The following RAPGEF5 variants were observed in gnomAD, a reference collection of about 807,000 sequenced individuals.
The protein encoded by RAPGEF5 is M-Ras-regulated GEF.
RAPGEF5 carries 65 observed loss-of-function variants against 125.2 expected under a neutral mutation model. That is an observed-to-expected ratio of 0.52 (90% CI 0.43 to 0.64). RAPGEF5 has a LOEUF of 0.64. RAPGEF5 is among the 30% of genes least tolerant of loss of function. The pLI is 0.00. For synonymous variants in RAPGEF5, 391 were observed against 385.9 expected (o/e 1.01, Z -0.16); for missense variants, 958 against 1,048.1 (o/e 0.91, Z 1.19).
chr7:22,245,316 T>G (rs1583512889), intron 7 of RAPGEF5, among the ~76,000 whole-genome samples: 1 of 152,356 alleles, frequency 6.6e-6, no homozygotes, highest in African/African-American at 2.4e-5. Flanking sequence ...CTTAGTTTGA[T>G]GTAATCTCAT....
chr7:22,234,533 A>G (rs897067241), intron 7 of RAPGEF5, among the ~76,000 whole-genome samples: 17 of 152,250 alleles, frequency 1.1e-4, no homozygotes, highest in Non-Finnish European at 8.8e-5. Context: ...TTTGAAAATA[A>G]CTTACCATAA....
chr7:22,212,856 T>C (rs1282527089), intron 9 of RAPGEF5, among the ~76,000 whole-genome samples: 1 of 151,864 alleles, frequency 6.6e-6, no homozygotes, highest in Non-Finnish European at 1.5e-5. Flanking sequence ...GGGAGGAGGG[T>C]GATGGCAAAA....
intron 11 of RAPGEF5, among the ~76,000 whole-genome samples, chr7:22,167,680 C>T (rs1007060357): frequency 7.2e-5 from 11 of 152,144 alleles, no homozygotes; most frequent in African/African-American, 2.7e-4. Context: ...CTTTAAGAAG[C>T]TGGGAAAGTG....
chr7:22,161,381 G>GA (rs998358879), intron 13 of RAPGEF5, among the ~76,000 whole-genome samples: 6 of 151,910 alleles, frequency 3.9e-5, no homozygotes, highest in South Asian at 2.1e-4. Context: ...CTACTAAAAA[G>GA]AAAAAATTAG....
At chr7:22,228,773 A>G (rs1181883340) in intron 8 of RAPGEF5, among the ~76,000 whole-genome samples, 1 of 151,430 alleles carries the variant, frequency 6.6e-6, no homozygotes, top group African/African-American at 2.4e-5. Context: ...TTGGCCTCCC[A>G]AAGTGCTGGG....
At chr7:22,258,438 T>C (rs867465255) in intron 7 of RAPGEF5, among the ~76,000 whole-genome samples, 16 of 151,808 alleles carry the variant, frequency 1.1e-4, no homozygotes, top group African/African-American at 3.9e-4. Context: ...CTGACCAACA[T>C]GGAGAAACCC....
Position 22,184,484 on chromosome 7 carries a change from G to A in RAPGEF5, c.1204+8883C>T, listed in dbSNP as rs528108241. 4.3e-4 allele frequency among the ~76,000 whole-genome samples: 65 copies of A among 152,270 alleles called. 1 individual carries two copies. Among genetic ancestry groups the A allele is most frequent in the Admixed American group, 7.8e-4 (12 of 15,290 alleles). ...TCAAATGTGGTACAAACATGAAAAT[G>A]ATGCAATTAAAAAATGCATTCCAAT... On this transcript the variant is annotated intron_variant, in intron 11 of 25. Transcript: ENST00000665637.
intron 5 of RAPGEF5, among the ~76,000 whole-genome samples, chr7:22,304,400 C>T (rs1783283345): frequency 6.6e-6 from 1 of 152,122 alleles, no homozygotes; most frequent in Non-Finnish European, 1.5e-5. Flanking sequence ...ACTCCAGAGC[C>T]TAAGATTTGT....
chr7:22,287,394 A>ATG (rs781052010), intron 6 of RAPGEF5, among the ~76,000 whole-genome samples: 33 of 152,326 alleles, frequency 2.2e-4, no homozygotes, highest in Admixed American at 4.6e-4. Context: ...ATATTTTTAG[A>ATG]TGACAGGACT....
intron 11 of RAPGEF5, among the ~76,000 whole-genome samples, chr7:22,179,368 G>T (rs1784604328): frequency 6.6e-6 from 1 of 152,086 alleles, no homozygotes; most frequent in South Asian, 2.1e-4. Flanking sequence ...TCAGACATAA[G>T]AAAAGTACTT....
chr7:22,151,379 T>C (rs773417563), intron 17 of RAPGEF5, among the ~76,000 whole-genome samples: 7 of 152,180 alleles, frequency 4.6e-5, no homozygotes, highest in Admixed American at 1.3e-4. Flanking sequence ...TTCTGATTTT[T>C]ATTTTTTAAA....
At chr7:22,133,260 G>T (rs968987949) in intron 23 of RAPGEF5, among the ~76,000 whole-genome samples, 1 of 152,188 alleles carries the variant, frequency 6.6e-6, no homozygotes, top group African/African-American at 2.4e-5. Context: ...AGGTGAGAGG[G>T]GAGACAGGCT....
intron 1 of RAPGEF5, among the ~76,000 whole-genome samples, chr7:22,328,219 G>A (rs890450554): frequency 1.1e-4 from 17 of 152,142 alleles, no homozygotes; most frequent in African/African-American, 4.1e-4. Context: ...TGGTCAGAAG[G>A]GAAAACAGGA....
chr7:22,291,171 T>C lies in RAPGEF5; in HGVS notation c.747+4A>G. 1.3e-6 allele frequency: 2 copies of C among 1,587,170 alleles called. No homozygotes were observed. Among genetic ancestry groups the C allele is most frequent in the Non-Finnish European group, 1.7e-6 (2 of 1,168,598 alleles). On this transcript the variant is annotated splice_donor_region_variant and intron_variant, in intron 6 of 25. Transcript: ENST00000665637. Reference sequence around the variant, plus strand: ...CCCTAGGCAGGAAAATTGCATGGTCTTACCGCAGATGTTAGACGCACAAGA... The same window carrying C: ...CCCTAGGCAGGAAAATTGCATGGTCCTACCGCAGATGTTAGACGCACAAGA...
At chr7:22,169,595 C>G (rs955350407) in intron 11 of RAPGEF5, among the ~76,000 whole-genome samples, 13 of 151,632 alleles carry the variant, frequency 8.6e-5, no homozygotes, top group African/African-American at 2.4e-4. Context: ...TGGCTCACGC[C>G]TGTAATCCCA....
chr7:22,332,996 G>T (rs1339519505), intron 1 of RAPGEF5, among the ~76,000 whole-genome samples: 1 of 152,160 alleles, frequency 6.6e-6, no homozygotes, highest in Non-Finnish European at 1.5e-5. Flanking sequence ...AAACATATGT[G>T]TGTAGGTACA....
chr7:22,291,093 A>G lies in RAPGEF5; in HGVS notation c.747+82T>C. Reference sequence around the variant, plus strand: ...AGCCACAGGGAAAATGTCTCTCTACACCATCACCCAAAGAACTTCCCTTCT... The same window carrying G: ...AGCCACAGGGAAAATGTCTCTCTACGCCATCACCCAAAGAACTTCCCTTCT... On this transcript the variant is annotated intron_variant, in intron 6 of 25. Transcript: ENST00000665637. 4.2e-6 allele frequency: 6 copies of G among 1,439,976 alleles called. No individual in the cohort carries two copies. In the South Asian group the frequency reaches 8.5e-5, roughly 20 times the overall value. The allele number at this position is 1,439,976 out of a possible 1,614,324, so 89.2% of individuals were successfully genotyped here.
intron 13 of RAPGEF5, among the ~76,000 whole-genome samples, chr7:22,161,979 A>G (rs1784015863): frequency 6.6e-6 from 1 of 152,210 alleles, no homozygotes; most frequent in Non-Finnish European, 1.5e-5. Context: ...GATTATATCT[A>G]TTTTACAAAT....
chr7:22,265,911 T>G (rs933554462), intron 7 of RAPGEF5, among the ~76,000 whole-genome samples: 1 of 152,162 alleles, frequency 6.6e-6, no homozygotes, highest in Admixed American at 6.6e-5. Context: ...TCATGCTGCC[T>G]TCTGTTCAAT....
Sources: allele counts gnomAD v4.1 joint callset (sites outside exome capture counted in the v4.1 genomes callset), GRCh38; gene constraint gnomAD v4.1.1; transcripts MANE v1.5; gene names NCBI Gene and HGNC (gene_info 2026-07-23, HGNC 2026-07-21).